ASTN2: variants seen among roughly 807,000 people sequenced by gnomAD.
The protein encoded by ASTN2 is astrotactin 2, also known as astrotactin-2.
In ASTN2, 54 loss-of-function variants were observed where a neutral mutation model predicts 139.8. The ratio of observed to expected loss-of-function variants is 0.39; its 90% confidence interval spans 0.31 to 0.48. ASTN2 has a LOEUF of 0.48. Among genes scored for constraint, ASTN2 ranks in the 20% least tolerant of loss-of-function variants. The pLI is 0.95. For missense variants in ASTN2, 1,565 were observed against 1,725.1 expected (o/e 0.91, Z 1.64); for synonymous variants, 756 against 719.5 (o/e 1.05, Z -0.81).
intron 19 of ASTN2, among the ~76,000 whole-genome samples, chr9:116,541,474 C>T (rs943332383): frequency 2.0e-5 from 3 of 152,152 alleles, no homozygotes; most frequent in Non-Finnish European, 2.9e-5. Flanking sequence ...CCATGGTTTT[C>T]CTAGTTAACT....
chr9:116,458,161 A>C (rs1308558705), intron 20 of ASTN2, among the ~76,000 whole-genome samples: 1 of 151,912 alleles, frequency 6.6e-6, no homozygotes, highest in Non-Finnish European at 1.5e-5. Flanking sequence ...ACAAAAAAAA[A>C]ATTGAACTAA....
At chr9:116,825,411 T>C (rs1485455332) in intron 11 of ASTN2, among the ~76,000 whole-genome samples, 1 of 152,148 alleles carries the variant, frequency 6.6e-6, no homozygotes, top group Non-Finnish European at 1.5e-5. Context: ...AAACAAGTAA[T>C]AAATTAACCA....
intron 3 of ASTN2, among the ~76,000 whole-genome samples, chr9:117,178,801 C>A (rs886127516): frequency 6.6e-6 from 1 of 152,176 alleles, no homozygotes; most frequent in African/African-American, 2.4e-5. Flanking sequence ...CCCAGCTGGG[C>A]TGCATAGAGC....
intron 19 of ASTN2, chr9:116,562,260 A>G (rs1045752651): frequency 6.6e-6 from 1 of 152,244 alleles, no homozygotes; most frequent in Admixed American, 6.5e-5. Flanking sequence ...AAGTTTCTGT[A>G]AAGTCAGTGA....
chr9:116,625,714 A>T (rs1057195089), intron 17 of ASTN2, among the ~76,000 whole-genome samples: 3 of 152,140 alleles, frequency 2.0e-5, no homozygotes, highest in East Asian at 3.9e-4. Flanking sequence ...GATCTAGCAC[A>T]TGCCAACTTC....
intron 10 of ASTN2, among the ~76,000 whole-genome samples, chr9:116,873,525 A>T (rs1303443943): frequency 8.9e-6 from 1 of 112,702 alleles, no homozygotes; most frequent in Non-Finnish European, 1.9e-5. Context: ...TGATAACAAC[A>T]TTCACATGGG....
intron 13 of ASTN2, among the ~76,000 whole-genome samples, chr9:116,784,929 C>CA (rs58241855): frequency 0.082 from 8,555 of 104,048 alleles, 329 homozygotes; most frequent in Non-Finnish European, 0.097. Context: ...AACTCCGCCT[C>CA]AAAAAAAAAA....
In ASTN2 at chr9:117,134,293, TATAC is replaced by T. The variant is rs1283570801; in HGVS notation, c.1168+7029_1168+7032del. ...ATATATATATATATATATATATATATATACACACACACACACACACACACACACA... is the reference window on the plus strand; with the variant it reads ...ATATATATATATATATATATATATATACACACACACACACACACACACACA... On this transcript the variant is annotated intron_variant, in intron 4 of 22. Transcript: ENST00000313400. Among the ~76,000 whole-genome samples the T allele has an allele frequency of 8.2e-3, 443 of 53,800 alleles. 1 individual carries two copies. Among genetic ancestry groups the T allele is most frequent in the South Asian group, 0.021 (39 of 1,876 alleles). The allele number at this position is 53,800 out of a possible 152,430, so 35.3% of individuals were successfully genotyped here. A position where few individuals can be genotyped will look rare whatever the true frequency, so the allele number is the denominator to read the frequency against.
At chr9:116,788,504 A>G (rs946291614) in intron 13 of ASTN2, among the ~76,000 whole-genome samples, 11 of 152,270 alleles carry the variant, frequency 7.2e-5, no homozygotes, top group Admixed American at 3.9e-4. Flanking sequence ...GAATACGGAA[A>G]AGAACATCCA....
intron 10 of ASTN2, among the ~76,000 whole-genome samples, chr9:116,885,992 G>A (rs1262066683): frequency 2.0e-5 from 3 of 152,198 alleles, no homozygotes; most frequent in African/African-American, 7.2e-5. Context: ...TATGTCAAAG[G>A]GGCAGGTGGG....
At chr9:116,614,671 T>C (rs1855745917) in intron 19 of ASTN2, among the ~76,000 whole-genome samples, 2 of 152,182 alleles carry the variant, frequency 1.3e-5, no homozygotes, top group Non-Finnish European at 2.9e-5. Context: ...GCTAGCCATA[T>C]GTAGAAAGCT....
intron 1 of ASTN2, among the ~76,000 whole-genome samples, chr9:117,294,728 C>A (rs896496776): frequency 6.6e-6 from 1 of 152,166 alleles, no homozygotes; most frequent in Admixed American, 6.5e-5. Context: ...TGTGTGTTAT[C>A]GGGACTATCT....
chr9:117,170,539 T>C (rs1251635912), intron 3 of ASTN2, among the ~76,000 whole-genome samples: 1 of 152,108 alleles, frequency 6.6e-6, no homozygotes, highest in Non-Finnish European at 1.5e-5. Context: ...CTTTGTCAGA[T>C]GATGCTAAAC....
Position 117,331,618 on chromosome 9 carries a change from G to A in ASTN2, c.443-40105C>T, listed in dbSNP as rs529739171. Among the ~76,000 whole-genome samples, 13 of 152,284 alleles carry A rather than the reference G, an allele frequency of 8.5e-5. 1 individual carries two copies. In the South Asian group the frequency reaches 2.3e-3, roughly 27 times the overall value. ...TAAAGAATTGATAAATAAATGGGTG[G>A]TGTGCACCAAGCACATGGCCTATGG... On this transcript the variant is annotated intron_variant, in intron 1 of 22. Transcript: ENST00000313400.
At chr9:116,988,218 G>A (rs751086770) in intron 7 of ASTN2, among the ~76,000 whole-genome samples, 1 of 152,158 alleles carries the variant, frequency 6.6e-6, no homozygotes, top group Non-Finnish European at 1.5e-5. Flanking sequence ...TGGAATTAGA[G>A]ATATGCATTT....
At chr9:117,087,436 C>T (rs960884237) in intron 5 of ASTN2, among the ~76,000 whole-genome samples, 17 of 152,088 alleles carry the variant, frequency 1.1e-4, no homozygotes, top group African/African-American at 2.4e-4. Context: ...CCATGTTGCC[C>T]AGGCTGGTCC....
chr9:116,930,685 C>G (rs939654938), intron 10 of ASTN2, among the ~76,000 whole-genome samples: 9 of 152,024 alleles, frequency 5.9e-5, no homozygotes, highest in African/African-American at 2.2e-4. Flanking sequence ...AGTAGAAGGG[C>G]AGGGAAGGGA....
intron 16 of ASTN2, among the ~76,000 whole-genome samples, chr9:116,667,640 A>C (rs1289458149): frequency 6.6e-6 from 1 of 152,184 alleles, no homozygotes; most frequent in Non-Finnish European, 1.5e-5. Context: ...TGAAAAGGAA[A>C]ATTATTGCTG....
chr9:116,605,079 G>A (rs1031002124), intron 19 of ASTN2, among the ~76,000 whole-genome samples: 19 of 151,938 alleles, frequency 1.3e-4, no homozygotes, highest in East Asian at 3.9e-4. Context: ...AAGGGAAGCC[G>A]ACACACATAA....
Sources: allele counts gnomAD v4.1 joint callset (sites outside exome capture counted in the v4.1 genomes callset), GRCh38; gene constraint gnomAD v4.1.1; transcripts MANE v1.5; gene names NCBI Gene and HGNC (gene_info 2026-07-23, HGNC 2026-07-21).